The following ASTN2 variants were observed in gnomAD, a reference collection of about 807,000 sequenced individuals.
ASTN2 encodes astrotactin 2.
A neutral mutation model predicts 139.8 loss-of-function variants in ASTN2; 54 were observed. The observed-to-expected ratio is 0.39, with a 90% confidence interval of 0.31 to 0.48. ASTN2 has a LOEUF of 0.48. Among genes scored for constraint, ASTN2 ranks in the 20% least tolerant of loss-of-function variants. The pLI, the probability that ASTN2 is intolerant of heterozygous loss-of-function variation, is 0.95. For missense variants in ASTN2, 1,565 were observed against 1,725.1 expected (o/e 0.91, Z 1.64); for synonymous variants, 756 against 719.5 (o/e 1.05, Z -0.81).
At chr9:116,933,404 CG>C (rs905979681) in intron 10 of ASTN2, among the ~76,000 whole-genome samples, 5 of 152,036 alleles carry the variant, frequency 3.3e-5, no homozygotes, top group Middle Eastern at 3.4e-3. Context: ...GAAGGGGAGC[CG>C]GAGTGAAGGT....
chr9:117,271,500 C>T (rs554723644), intron 2 of ASTN2, among the ~76,000 whole-genome samples: 1 of 152,324 alleles, frequency 6.6e-6, no homozygotes, highest in South Asian at 2.1e-4. Context: ...ATGCCTTCCA[C>T]AGTCCCTCAA....
chr9:116,798,665 T>C (rs1345290693), intron 13 of ASTN2, among the ~76,000 whole-genome samples: 1 of 152,218 alleles, frequency 6.6e-6, no homozygotes, highest in Non-Finnish European at 1.5e-5. Context: ...TCCTTTGAGA[T>C]AGCAATGGGA....
chr9:117,143,118 G>A lies in ASTN2; in HGVS notation c.1016-1640C>T, dbSNP rs138453637. Among the ~76,000 whole-genome samples the A allele has an allele frequency of 4.2e-3, 647 of 152,334 alleles. 3 individuals are homozygous for A. The highest frequency in any genetic ancestry group is 0.015 in the African/African-American group (604 of 41,572). On this transcript the variant is annotated intron_variant, in intron 3 of 22. Coordinates refer to ENST00000313400, the MANE Select transcript of ASTN2 (RefSeq NM_001365068.1). ...CTTGTTCTGGTATTGGGTTCTGTGA[G>A]AAGTCCCATCTTGAGGGTTATAGGG...
chr9:117,211,268 G>A (rs139293521), intron 3 of ASTN2, among the ~76,000 whole-genome samples: 3 of 152,286 alleles, frequency 2.0e-5, no homozygotes, highest in Admixed American at 6.5e-5. Context: ...AACCTAAAGA[G>A]TCTACCTAAA....
chr9:116,428,771 G>T (rs773932613), intron 22 of ASTN2, among the ~76,000 whole-genome samples: 1 of 152,128 alleles, frequency 6.6e-6, no homozygotes, highest in Non-Finnish European at 1.5e-5. Context: ...GATACTGAGT[G>T]AAGTGCTTTA....
At chr9:117,363,655 A>G (rs922842031) in intron 1 of ASTN2, among the ~76,000 whole-genome samples, 4 of 152,194 alleles carry the variant, frequency 2.6e-5, no homozygotes, top group Non-Finnish European at 4.4e-5. Context: ...CATATTTAAT[A>G]GGCTTAAAAG....
intron 13 of ASTN2, among the ~76,000 whole-genome samples, chr9:116,775,810 A>G (rs1221664290): frequency 6.4e-4 from 62 of 96,844 alleles, no homozygotes; most frequent in African/African-American, 2.1e-3. Flanking sequence ...GAGGGAAGGA[A>G]GAAAGGAAGG....
In ASTN2 at chr9:116,784,857, A is replaced by T. The variant is rs2132211604; in HGVS notation, c.2396+20775T>A. Among the ~76,000 whole-genome samples, 5 of 143,970 alleles carry T rather than the reference A, an allele frequency of 3.5e-5. No individual in the cohort carries two copies. In the South Asian group the frequency reaches 1.1e-3, roughly 33 times the overall value. The allele number at this position is 143,970 out of a possible 152,430, so 94.4% of individuals were successfully genotyped here. On this transcript the variant is annotated intron_variant, in intron 13 of 22. Transcript: ENST00000313400. ...AGCAGGAGAATCACTTGAACCAGGGAGGTGGAGGTTGCGGTGAGCTGAGAT... is the reference window on the plus strand; with the variant it reads ...AGCAGGAGAATCACTTGAACCAGGGTGGTGGAGGTTGCGGTGAGCTGAGAT...
At chr9:117,140,356 C>A (rs1830044658) in intron 4 of ASTN2, among the ~76,000 whole-genome samples, 1 of 151,852 alleles carries the variant, frequency 6.6e-6, no homozygotes, top group African/African-American at 2.4e-5. Context: ...AGGGGGATGA[C>A]CTGATCAGAG....
At chr9:116,701,689 T>G (rs1424764616) in intron 16 of ASTN2, among the ~76,000 whole-genome samples, 1 of 152,206 alleles carries the variant, frequency 6.6e-6, no homozygotes, top group African/African-American at 2.4e-5. Flanking sequence ...GTCATGCCTT[T>G]TCCCTCAAGT....
rs567444063 is a variant in ASTN2, at chr9:117,059,666, A to C, written c.1277-19701T>G. On this transcript the variant is annotated intron_variant, in intron 5 of 22. Transcript: ENST00000313400. ...AACAAAAACCCCACCACCACCACCA[A>C]CAAAAAAACACAGACTAACCTAGTA... Among the ~76,000 whole-genome samples, 24 of 152,274 alleles carry C rather than the reference A, an allele frequency of 1.6e-4. No homozygotes were observed. The South Asian group carries it at 4.6e-3, about 29-fold the overall frequency.
At chr9:116,950,977 A>G (rs1288542027) in intron 10 of ASTN2, among the ~76,000 whole-genome samples, 1 of 152,124 alleles carries the variant, frequency 6.6e-6, no homozygotes, top group East Asian at 1.9e-4. Context: ...CATGCCCCAT[A>G]CCTATGGAAG....
chr9:117,102,083 C>A (rs755392947), intron 4 of ASTN2, among the ~76,000 whole-genome samples: 3 of 152,156 alleles, frequency 2.0e-5, no homozygotes, highest in Non-Finnish European at 4.4e-5. Flanking sequence ...AGTATCTGTA[C>A]ATGAATGTTC....
intron 16 of ASTN2, among the ~76,000 whole-genome samples, chr9:116,694,837 C>T (rs1336063810): frequency 6.6e-6 from 1 of 151,896 alleles, no homozygotes; most frequent in Admixed American, 6.6e-5. Context: ...TAAGAATTTA[C>T]CATTCATAGT....
At chr9:117,360,355 G>A (rs1352417359) in intron 1 of ASTN2, among the ~76,000 whole-genome samples, 1 of 152,130 alleles carries the variant, frequency 6.6e-6, no homozygotes, top group Non-Finnish European at 1.5e-5. Context: ...GAATATGGGA[G>A]TATACAACAG....
At chr9:117,074,373 T>G (rs1828218714) in intron 5 of ASTN2, among the ~76,000 whole-genome samples, 1 of 152,102 alleles carries the variant, frequency 6.6e-6, no homozygotes, top group African/African-American at 2.4e-5. Flanking sequence ...GTCTGAGGGA[T>G]CAGGGAAAGC....
At chr9:117,122,729 C>T (rs1034743390) in intron 4 of ASTN2, among the ~76,000 whole-genome samples, 2 of 152,114 alleles carry the variant, frequency 1.3e-5, no homozygotes, top group Non-Finnish European at 2.9e-5. Context: ...AGGGTGGCTA[C>T]GGCTGTGTTC....
intron 3 of ASTN2, among the ~76,000 whole-genome samples, chr9:117,184,910 G>T (rs1179930781): frequency 6.6e-6 from 1 of 152,168 alleles, no homozygotes; most frequent in African/African-American, 2.4e-5. Context: ...ACACCAGATT[G>T]TTCATATATT....
chr9:116,448,062 C>T (rs571301794), intron 20 of ASTN2, among the ~76,000 whole-genome samples: 126 of 152,290 alleles, frequency 8.3e-4, no homozygotes, highest in Non-Finnish European at 1.1e-3. Flanking sequence ...CCTGGGTCCC[C>T]GAGAGTATAG....
Sources: allele counts gnomAD v4.1 joint callset (sites outside exome capture counted in the v4.1 genomes callset), GRCh38; gene constraint gnomAD v4.1.1; transcripts MANE v1.5; gene names NCBI Gene and HGNC (gene_info 2026-07-23, HGNC 2026-07-21).